The following SERGEF variants were observed in gnomAD, a reference collection of about 807,000 sequenced individuals.
SERGEF encodes secretion-regulating guanine nucleotide exchange factor.
A neutral mutation model predicts 50.0 loss-of-function variants in SERGEF; 51 were observed. That is an observed-to-expected ratio of 1.02 (90% CI 0.81 to 1.29). SERGEF has a LOEUF of 1.29. Ranked by LOEUF, SERGEF falls within the 50% of genes most tolerant of loss-of-function variation. The probability of loss-of-function intolerance (pLI) is 0.00; values close to 1 mark genes in which losing one functional copy is unlikely to be tolerated. For missense variants in SERGEF, 521 were observed against 557.0 expected, an observed-to-expected ratio of 0.94 and a Z score of 0.65; for synonymous variants, 205 against 212.4, an observed-to-expected ratio of 0.97 and a Z score of 0.30.
At chr11:17,898,562 C>CT (rs1434168795) in intron 9 of SERGEF, among the ~76,000 whole-genome samples, 2 of 152,154 alleles carry the variant, frequency 1.3e-5, no homozygotes, top group Non-Finnish European at 2.9e-5. Flanking sequence ...CACTTGCCCC[C>CT]TTGTCCACTG....
intron 1 of SERGEF, chr11:18,010,012 T>A (rs751674797): frequency 2.9e-6 from 2 of 684,984 alleles, no homozygotes; most frequent in Non-Finnish European, 4.2e-6. Context: ...CAAGGGATTG[T>A]GGACCTGCAG....
At chr11:17,882,176 G>C (rs1329727133) in intron 9 of SERGEF, among the ~76,000 whole-genome samples, 1 of 152,162 alleles carries the variant, frequency 6.6e-6, no homozygotes, top group Non-Finnish European at 1.5e-5. Context: ...AGCACTTTGG[G>C]AGGCCAAGGC....
chr11:18,011,791 CA>C (rs1854202272), intron 1 of SERGEF, among the ~76,000 whole-genome samples: 1 of 152,168 alleles, frequency 6.6e-6, no homozygotes, highest in African/African-American at 2.4e-5. Flanking sequence ...AGCACACATT[CA>C]ATCCCCAACT....
At chr11:17,830,649 G>GGAGAGAGAGAGAGAGAGA (rs55967425) in intron 10 of SERGEF, among the ~76,000 whole-genome samples, 7 of 77,756 alleles carry the variant, frequency 9.0e-5, no homozygotes, top group African/African-American at 1.7e-4. Context: ...GGAGAGGGAG[G>GGAGAGAGAGAGAGAGAGA]GAGAGAGAGA....
chr11:17,973,881 T>C (rs1477478311), intron 8 of SERGEF, among the ~76,000 whole-genome samples: 1 of 152,052 alleles, frequency 6.6e-6, no homozygotes, highest in African/African-American at 2.4e-5. Context: ...GCAGTGGCAA[T>C]AATGAGCATC....
At chr11:17,880,768 T>C (rs1256909297) in intron 9 of SERGEF, among the ~76,000 whole-genome samples, 1 of 151,826 alleles carries the variant, frequency 6.6e-6, no homozygotes, top group African/African-American at 2.4e-5. Flanking sequence ...TTAGAAGTAG[T>C]GGGGGAAAAG....
chr11:17,908,464 G>A (rs1337577341), intron 9 of SERGEF, among the ~76,000 whole-genome samples: 3 of 152,074 alleles, frequency 2.0e-5, no homozygotes, highest in Non-Finnish European at 2.9e-5. Flanking sequence ...TCCCCTCCGA[G>A]AAGACTGTTC....
At chr11:17,966,526 C>T (rs1853129064) in intron 8 of SERGEF, among the ~76,000 whole-genome samples, 1 of 152,172 alleles carries the variant, frequency 6.6e-6, no homozygotes, top group South Asian at 2.1e-4. Context: ...ATTAAAATGA[C>T]TGGTATACAA....
chr11:17,809,362 T>A (rs1271771447), intron 10 of SERGEF, among the ~76,000 whole-genome samples: 3 of 152,218 alleles, frequency 2.0e-5, no homozygotes, highest in African/African-American at 7.2e-5. Context: ...TCAAAAAGCC[T>A]GACTAAAGAT....
rs1232068357 is a variant in SERGEF at position 17,913,515 on chromosome 11, A to C, written c.1012-35271T>G. ...TGCTGGAATTAGCTAGAGAAGACACATACTGCTATTGTAAGATAATAGAAA... is the reference window on the plus strand; with the variant it reads ...TGCTGGAATTAGCTAGAGAAGACACCTACTGCTATTGTAAGATAATAGAAA... On this transcript the variant is annotated intron_variant, in intron 9 of 10. Coordinates refer to ENST00000265965, the MANE Select transcript of SERGEF (RefSeq NM_012139.4). Among the ~76,000 whole-genome samples, 3 of 152,342 alleles carry C rather than the reference A, an allele frequency of 2.0e-5. No homozygotes were observed. The East Asian group carries it at 5.8e-4, about 29-fold the overall frequency.
At chr11:17,797,515 G>A (rs1451019951) in intron 10 of SERGEF, among the ~76,000 whole-genome samples, 1 of 152,106 alleles carries the variant, frequency 6.6e-6, no homozygotes, top group African/African-American at 2.4e-5. Flanking sequence ...AACTTTATAT[G>A]AAATAGCAGT....
chr11:17,907,043 T>C (rs1246334803), intron 9 of SERGEF, among the ~76,000 whole-genome samples: 2 of 151,700 alleles, frequency 1.3e-5, no homozygotes, highest in East Asian at 3.9e-4. Context: ...GCCCAGTCCA[T>C]GACCCTCGGA....
intron 10 of SERGEF, among the ~76,000 whole-genome samples, chr11:17,796,378 A>G (rs1195229148): frequency 6.6e-6 from 1 of 152,210 alleles, no homozygotes; most frequent in Non-Finnish European, 1.5e-5. Context: ...TTGGAAACTT[A>G]ATCCCCAATG....
chr11:17,892,867 T>C (rs576000871), intron 9 of SERGEF, among the ~76,000 whole-genome samples: 9 of 152,306 alleles, frequency 5.9e-5, no homozygotes, highest in South Asian at 2.1e-4. Flanking sequence ...GCCTGGAACA[T>C]ATTAGAAAGG....
At chr11:17,990,802 T>C (rs1853698378) in intron 7 of SERGEF, among the ~76,000 whole-genome samples, 3 of 151,970 alleles carry the variant, frequency 2.0e-5, no homozygotes, top group Admixed American at 1.3e-4. Flanking sequence ...AGTCTTGCTC[T>C]GTCACCCAGG....
At chr11:17,950,586 C>G (rs1419758190) in intron 9 of SERGEF, among the ~76,000 whole-genome samples, 1 of 152,160 alleles carries the variant, frequency 6.6e-6, no homozygotes, top group African/African-American at 2.4e-5. Context: ...GAAGCTGTCA[C>G]TGTATTAGGC....
intron 7 of SERGEF, among the ~76,000 whole-genome samples, chr11:17,990,538 G>A (rs1033116680): frequency 4.6e-5 from 7 of 152,192 alleles, no homozygotes; most frequent in African/African-American, 1.7e-4. Flanking sequence ...TGACGATGAA[G>A]CCTGTGTAAA....
chr11:17,842,484 T>C (rs576304197), intron 10 of SERGEF, among the ~76,000 whole-genome samples: 356 of 152,338 alleles, frequency 2.3e-3, no homozygotes, highest in African/African-American at 6.2e-3. Context: ...ACCAAGACCA[T>C]GCATCCGGTA....
At chr11:17,794,425 G>A (rs143495915) in intron 10 of SERGEF, among the ~76,000 whole-genome samples, 4 of 152,258 alleles carry the variant, frequency 2.6e-5, no homozygotes, top group African/African-American at 7.2e-5. Context: ...ACCCTCGGAG[G>A]TACTACTACG....
Sources: gnomAD v4.1 joint callset for allele counts (sites outside exome capture counted in the v4.1 genomes callset) on GRCh38, gnomAD v4.1.1 for gene constraint, MANE v1.5 for transcripts, NCBI Gene and HGNC (gene_info 2026-07-23, HGNC 2026-07-21) for gene names.